The following VIT variants were observed in gnomAD, a reference collection of about 807,000 sequenced individuals.
The protein encoded by VIT is vitrin.
In VIT, 99 loss-of-function variants were observed where a neutral mutation model predicts 78.0. The ratio of observed to expected loss-of-function variants is 1.27; its 90% CI spans 1.08 to 1.50. The LOEUF (loss-of-function observed/expected upper bound fraction) is 1.50, where lower values mean the gene tolerates loss of function less well. Ranked by LOEUF, VIT falls within the 40% of genes most tolerant of loss-of-function variation. The pLI is 0.00. For synonymous variants in VIT, 374 were observed against 334.3 expected (o/e 1.12, Z -1.29); for missense variants, 1,126 against 875.3 (o/e 1.29, Z -3.61).
At chr2:36,809,628 C>T (rs746346072) in intron 15 of VIT, among the ~76,000 whole-genome samples, 6 of 152,134 alleles carry the variant, frequency 3.9e-5, no homozygotes, top group Non-Finnish European at 8.8e-5. Context: ...ATGTTGGTCA[C>T]GATGGTCTCG....
At chr2:36,805,356 G>T in intron 13 of VIT, 82 bp from the exon 14 acceptor site, 1 of 1,378,020 alleles carries the variant, frequency 7.3e-7, no homozygotes, top group Admixed American at 2.7e-5. Context: ...TATTTTTCTG[G>T]ACCTCTTTGT....
At chr2:36,790,422 C>T (rs999301690) in intron 12 of VIT, among the ~76,000 whole-genome samples, 1 of 152,172 alleles carries the variant, frequency 6.6e-6, no homozygotes. Context: ...GAGATCCTAC[C>T]TCTGGTCTGG....
At chr2:36,807,871 G>C (rs1216744229) in intron 14 of VIT, among the ~76,000 whole-genome samples, 4 of 152,304 alleles carry the variant, frequency 2.6e-5, no homozygotes, top group African/African-American at 9.6e-5. Flanking sequence ...TCATAGCTTA[G>C]TTTGTTCCTT....
chr2:36,750,695 CA>C (rs1487691390), intron 4 of VIT, among the ~76,000 whole-genome samples: 5 of 151,678 alleles, frequency 3.3e-5, no homozygotes, highest in African/African-American at 4.8e-5. Flanking sequence ...GCGGTGCACA[CA>C]TGTAATCCCA....
intron 4 of VIT, among the ~76,000 whole-genome samples, chr2:36,747,637 A>G (rs1352665462): frequency 6.6e-6 from 1 of 152,172 alleles, no homozygotes; most frequent in Non-Finnish European, 1.5e-5. Context: ...CTTTGAGCCT[A>G]TGGGTGTTAT....
In VIT at chr2:36,805,501, C is replaced by A. The variant is rs142238950; in HGVS notation, c.1226C>A (p.Ala409Asp). The change falls in exon 14 of 16, where the codon GCT (alanine) becomes GAT (aspartate). Residue 409 changes from alanine to aspartate, a missense_variant. Ala to Asp is a moderately radical substitution (Grantham distance 126). Transcript: ENST00000379242. Reference protein sequence around the residue: ...FSKANGNRSGAPNVVVVMVDG... With the variant: ...FSKANGNRSGDPNVVVVMVDG... ...AAAGCCAATGGAAACAGAAGCGGGG[C>A]TCCCAATGTGGTGGTGGTGATGGTG... The A allele has an allele frequency of 8.7e-6, 14 of 1,613,848 alleles. No homozygotes were observed. The highest frequency in any genetic ancestry group is 1.3e-5 in the African/African-American group (1 of 74,852).
At chr2:36,760,393 C>G (rs1182315813) in intron 6 of VIT, among the ~76,000 whole-genome samples, 8 of 141,634 alleles carry the variant, frequency 5.6e-5, no homozygotes, top group Non-Finnish European at 8.8e-5. Context: ...TGTCTTTTCT[C>G]TTAATTACTG....
chr2:36,804,943 G>A (rs138490516), intron 13 of VIT, among the ~76,000 whole-genome samples: 79 of 152,216 alleles, frequency 5.2e-4, no homozygotes, highest in East Asian at 2.7e-3. Flanking sequence ...CAGTGGTAAC[G>A]GCTGCACATT....
intron 2 of VIT, among the ~76,000 whole-genome samples, chr2:36,717,388 GTGTGTGTTT>G (rs1666229049): frequency 8.2e-6 from 1 of 121,714 alleles, no homozygotes; most frequent in Non-Finnish European, 1.7e-5. Flanking sequence ...GTGTGTGTGT[GTGTGTGTTT>G]AGTAGAGATG....
chr2:36,763,083 G>T (rs1239143312), intron 6 of VIT, among the ~76,000 whole-genome samples: 1 of 152,176 alleles, frequency 6.6e-6, no homozygotes, highest in Admixed American at 6.5e-5. Context: ...TTTGTTAGAG[G>T]CTACTGAGCT....
At chr2:36,812,022 A>AC (rs1476319978) in intron 15 of VIT, among the ~76,000 whole-genome samples, 12 of 151,954 alleles carry the variant, frequency 7.9e-5, no homozygotes, top group African/African-American at 2.9e-4. Flanking sequence ...TTTAAGGGCA[A>AC]CCTCTCCATC....
At chr2:36,810,898 T>C (rs1194289706) in intron 15 of VIT, among the ~76,000 whole-genome samples, 1 of 152,160 alleles carries the variant, frequency 6.6e-6, no homozygotes, top group Non-Finnish European at 1.5e-5. Flanking sequence ...CTTCCCAAAG[T>C]GCTGGGATCA....
In VIT at chr2:36,728,788, G is replaced by A. The variant is rs1262881640; in HGVS notation, c.53-638G>A. Among the ~76,000 whole-genome samples the A allele has an allele frequency of 3.3e-4, 5 of 15,238 alleles. 1 individual carries two copies. The highest frequency in any genetic ancestry group is 5.9e-4 in the African/African-American group (4 of 6,824). 10.0% of individuals were successfully genotyped at this position (15,238 alleles called of 152,430 possible). A position where few individuals can be genotyped will look rare whatever the true frequency, so the allele number is the denominator to read the frequency against. On this transcript the variant is annotated intron_variant, in intron 2 of 15. Coordinates refer to ENST00000379242, the MANE Select transcript of VIT (RefSeq NM_053276.4). ...AGATCCCGCCACTGCACTCCAGCCT[G>A]GGCGACAGAGCAAGACTCCGTCTCA...
intron 15 of VIT, among the ~76,000 whole-genome samples, chr2:36,810,785 C>A (rs1038266114): frequency 1.3e-5 from 2 of 152,098 alleles, no homozygotes; most frequent in Non-Finnish European, 2.9e-5. Flanking sequence ...AGGCACACAC[C>A]ACCACGCCCA....
chr2:36,734,123 C>T (rs1667367320), intron 3 of VIT, among the ~76,000 whole-genome samples: 1 of 152,132 alleles, frequency 6.6e-6, no homozygotes, highest in Admixed American at 6.5e-5. Flanking sequence ...GGGGTGGGCC[C>T]AGCAATCTGT....
At chr2:36,793,689 T>A (rs973279279) in intron 12 of VIT, among the ~76,000 whole-genome samples, 7 of 148,928 alleles carry the variant, frequency 4.7e-5, no homozygotes, top group African/African-American at 1.7e-4. Context: ...GTTATTTGAT[T>A]GTAACCTTAA....
At chr2:36,792,082 CT>C (rs1665542161) in intron 12 of VIT, among the ~76,000 whole-genome samples, 1 of 152,230 alleles carries the variant, frequency 6.6e-6, no homozygotes, top group South Asian at 2.1e-4. Flanking sequence ...ACCTGGGGAG[CT>C]TTTTAAAATG....
chr2:36,740,437 A>T (rs937435248), intron 3 of VIT, among the ~76,000 whole-genome samples: 1 of 152,186 alleles, frequency 6.6e-6, no homozygotes, highest in African/African-American at 2.4e-5. Context: ...GAACATAGAC[A>T]TTACACTTTT....
chr2:36,807,453 C>T (rs755880712), intron 14 of VIT, among the ~76,000 whole-genome samples: 33 of 152,236 alleles, frequency 2.2e-4, no homozygotes, highest in Non-Finnish European at 3.7e-4. Flanking sequence ...CAGAATTCAG[C>T]TCAAGCTCAG....
Sources: gnomAD v4.1 joint callset for allele counts (sites outside exome capture counted in the v4.1 genomes callset) on GRCh38, gnomAD v4.1.1 for gene constraint, MANE v1.5 for transcripts, NCBI Gene and HGNC (gene_info 2026-07-23, HGNC 2026-07-21) for gene names.